ADGRD1: variants seen among roughly 807,000 people sequenced by gnomAD.
ADGRD1 encodes the protein G-protein coupled receptor 133.
In ADGRD1, 77 loss-of-function variants were observed where a neutral mutation model predicts 113.4. The ratio of observed to expected loss-of-function variants is 0.68; its 90% CI spans 0.57 to 0.82. The LOEUF (loss-of-function observed/expected upper bound fraction) is 0.82. Among genes scored for constraint, ADGRD1 ranks in the 40% least tolerant of loss-of-function variants. ADGRD1 has a pLI of 0.00. For synonymous variants in ADGRD1, 474 were observed against 475.0 expected, an observed-to-expected ratio of 1.00 and a Z score of 0.03; for missense variants, 1,036 against 1,139.1, an observed-to-expected ratio of 0.91 and a Z score of 1.30.
At chr12:131,055,689 A>C (rs1472601626) in intron 13 of ADGRD1, among the ~76,000 whole-genome samples, 1 of 152,232 alleles carries the variant, frequency 6.6e-6, no homozygotes, top group Admixed American at 6.5e-5. Context: ...CTTACAAAGT[A>C]GCATAGCAAA....
At chr12:131,037,237 C>T (rs1881580228) in intron 13 of ADGRD1, among the ~76,000 whole-genome samples, 3 of 146,648 alleles carry the variant, frequency 2.0e-5, no homozygotes, top group Non-Finnish European at 4.5e-5. Flanking sequence ...GGGTCTCACT[C>T]ACTGCACTGA....
chr12:130,993,342 G>A (rs903012959), intron 8 of ADGRD1, among the ~76,000 whole-genome samples: 10 of 151,704 alleles, frequency 6.6e-5, no homozygotes, highest in Admixed American at 1.3e-4. Context: ...CAGCTTTTCT[G>A]TCCACGTAAG....
At chr12:131,086,808 G>A (rs1001132863) in intron 15 of ADGRD1, among the ~76,000 whole-genome samples, 1 of 152,190 alleles carries the variant, frequency 6.6e-6, no homozygotes, top group Admixed American at 6.5e-5. Context: ...CAAAGAGAAG[G>A]CCCTTTCTTT....
intron 13 of ADGRD1, among the ~76,000 whole-genome samples, chr12:131,073,229 T>C (rs1425625171): frequency 1.3e-5 from 2 of 152,246 alleles, no homozygotes; most frequent in African/African-American, 4.8e-5. Flanking sequence ...CTTATGACTC[T>C]TTGAAAGCAA....
Position 131,108,176 on chromosome 12 carries a change from C to T in ADGRD1, c.1888-548C>T, listed in dbSNP as rs1260714302. ...GGGGAAGCCTATGGAGCAGCATGGT[C>T]GCCTGAGCCCCTTTCAGTTCTGGGT... On this transcript the variant is annotated intron_variant, in intron 17 of 24. Coordinates refer to ENST00000261654, the MANE Select transcript of ADGRD1 (RefSeq NM_198827.5). Among the ~76,000 whole-genome samples, 4 of 152,190 alleles carry T rather than the reference C, an allele frequency of 2.6e-5. No homozygotes were observed. The East Asian group carries it at 7.7e-4, about 29-fold the overall frequency.
rs558956218 is a variant in ADGRD1 at position 131,083,866 on chromosome 12, C to T, written c.1548-674C>T. 4.6e-5 allele frequency among the ~76,000 whole-genome samples: 7 copies of T among 152,280 alleles called. No individual in the cohort carries two copies. In the South Asian group the frequency reaches 6.2e-4, roughly 14 times the overall value. On this transcript the variant is annotated intron_variant, in intron 14 of 24. Transcript: ENST00000261654. ...CCTGATCTCGCCACCCTGTCTCTGG[C>T]GGTAACACCGTGGGGAGTTTCTGTG...
chr12:131,053,541 C>T lies in ADGRD1; in HGVS notation c.1474-23260C>T, dbSNP rs549991019. 7.9e-5 allele frequency among the ~76,000 whole-genome samples: 12 copies of T among 152,286 alleles called. 1 individual carries two copies. The South Asian group carries it at 2.5e-3, about 32-fold the overall frequency. On this transcript the variant is annotated intron_variant, in intron 13 of 24. Coordinates refer to ENST00000261654, the MANE Select transcript of ADGRD1 (RefSeq NM_198827.5). ...TCATTTCAGAAGTAATCGGCCATCA[C>T]CCCACAGTAACCCCATAAACAGGGC...
At chr12:131,132,107 G>A (rs987016095) in intron 21 of ADGRD1, among the ~76,000 whole-genome samples, 8 of 152,150 alleles carry the variant, frequency 5.3e-5, no homozygotes, top group Non-Finnish European at 7.4e-5. Context: ...GCTGGGGGGC[G>A]GCAACGGGGA....
chr12:131,056,911 C>T (rs969912527), intron 13 of ADGRD1, among the ~76,000 whole-genome samples: 2 of 152,194 alleles, frequency 1.3e-5, no homozygotes, highest in South Asian at 4.1e-4. Context: ...CTGGGGAGAA[C>T]TGAAGACACC....
chr12:131,056,774 C>T (rs10773839), intron 13 of ADGRD1, among the ~76,000 whole-genome samples: 114,457 of 152,102 alleles, frequency 0.75, 44,855 homozygotes, highest in East Asian at 0.96. Flanking sequence ...ATCACTTCCC[C>T]TGGTTCTAGC....
At position 131,084,714 on chromosome 12, in the gene ADGRD1, C is replaced by G; in HGVS notation, c.1671+51C>G. On this transcript the variant is annotated intron_variant, in intron 15 of 24. Coordinates refer to ENST00000261654, the MANE Select transcript of ADGRD1 (RefSeq NM_198827.5). This position sits in a 1 kb window ranked among gnomAD's most constrained non-coding sequence, Gnocchi z 4.5. ...GGGACCTGGGGGACGTACCATGAGG[C>G]TGCAGGTGGGGGCGGGAGGATGCTT... 1 of 1,598,914 alleles carries G rather than the reference C, an allele frequency of 6.3e-7. No individual in the cohort carries two copies. The highest frequency in any genetic ancestry group is 1.1e-5 in the South Asian group (1 of 89,966).
chr12:131,010,350 G>C (rs1566026044), intron 12 of ADGRD1, among the ~76,000 whole-genome samples: 3 of 152,230 alleles, frequency 2.0e-5, no homozygotes, highest in African/African-American at 4.8e-5. Context: ...CAGTTATCAA[G>C]GAGTTCCTTT....
chr12:131,007,863 C>G (rs575135141), intron 12 of ADGRD1, among the ~76,000 whole-genome samples: 9 of 147,916 alleles, frequency 6.1e-5, no homozygotes, highest in Non-Finnish European at 1.0e-4. Flanking sequence ...TGCAAAGATG[C>G]CTTGTCATCA....
At chr12:131,087,410 CAG>C (rs1555261570) in intron 15 of ADGRD1, among the ~76,000 whole-genome samples, 15 of 152,172 alleles carry the variant, frequency 9.9e-5, no homozygotes, top group African/African-American at 3.1e-4. Flanking sequence ...TGTCAGGTGA[CAG>C]GGGACCGGCA....
At chr12:130,986,096 G>T (rs1329507842) in intron 5 of ADGRD1, among the ~76,000 whole-genome samples, 2 of 152,142 alleles carry the variant, frequency 1.3e-5, no homozygotes, top group African/African-American at 4.8e-5. Context: ...ATTGGGTAGT[G>T]TTGTTCCTCC....
chr12:130,999,001 CAAT>C (rs1364094945), intron 8 of ADGRD1, among the ~76,000 whole-genome samples: 1 of 152,168 alleles, frequency 6.6e-6, no homozygotes, highest in African/African-American at 2.4e-5. Flanking sequence ...GTTGAAATGA[CAAT>C]ATTTTAGGTT....
At chr12:131,121,786 G>T (rs970455676) in intron 20 of ADGRD1, among the ~76,000 whole-genome samples, 2 of 152,112 alleles carry the variant, frequency 1.3e-5, no homozygotes, top group Non-Finnish European at 2.9e-5. Flanking sequence ...CATGAGGCTC[G>T]TCCCTCATCT....
Position 131,050,972 on chromosome 12 carries a change from C to A in ADGRD1, c.1474-25829C>A, listed in dbSNP as rs1296857610. Among the ~76,000 whole-genome samples the A allele has an allele frequency of 6.6e-6, 1 of 152,218 alleles. No homozygotes were observed. Among genetic ancestry groups the A allele is most frequent in the Non-Finnish European group, 1.5e-5 (1 of 68,036 alleles). ...TGCTGTGTGCCCGGTTCCTAACAGGCCACGGGCTGGTCCCGGTTCACGGCC... is the reference window on the plus strand; with the variant it reads ...TGCTGTGTGCCCGGTTCCTAACAGGACACGGGCTGGTCCCGGTTCACGGCC... On this transcript the variant is annotated intron_variant, in intron 13 of 24. Transcript: ENST00000261654. The surrounding 1 kb of genome is among the most constrained non-coding windows in gnomAD (Gnocchi z 4.8).
At chr12:131,133,687 C>T (rs1282707539) in intron 21 of ADGRD1, among the ~76,000 whole-genome samples, 1 of 152,244 alleles carries the variant, frequency 6.6e-6, no homozygotes, top group Non-Finnish European at 1.5e-5. Context: ...CAGCTCCTCT[C>T]CTTTGGGCGG....
Sources: gnomAD v4.1 joint callset for allele counts (sites outside exome capture counted in the v4.1 genomes callset) on GRCh38, gnomAD v4.1.1 for gene constraint, Gnocchi (gnomAD v3.1) non-coding constraint, MANE v1.5 for transcripts, NCBI Gene and HGNC (gene_info 2026-07-23, HGNC 2026-07-21) for gene names.